Variants in HAUS6 observed in about 807,000 individuals in gnomAD.
The protein encoded by HAUS6 is HAUS augmin like complex subunit 6.
Under a neutral mutation model 106.8 loss-of-function variants are expected in HAUS6, and 80 were observed. That is an observed-to-expected ratio of 0.75 (90% CI 0.63 to 0.90). The LOEUF (loss-of-function observed/expected upper bound fraction) is 0.90. Among genes scored for constraint, HAUS6 ranks in the 40% least tolerant of loss-of-function variants. The pLI, the probability that HAUS6 is intolerant of heterozygous loss-of-function variation, is 0.00. For missense variants in HAUS6, 1,155 were observed against 1,118.1 expected, an observed-to-expected ratio of 1.03 and a Z score of -0.47; for synonymous variants, 356 against 379.1, an observed-to-expected ratio of 0.94 and a Z score of 0.71.
At position 19,063,130 on chromosome 9, in the gene HAUS6, C is replaced by G; in HGVS notation, c.1507G>C (p.Glu503Gln). ...EAISKKIPEF[E>Q]VENSPLSDVA... ...TCTGATAATGGAGAATTTTCCACTT[C>G]AAATTCTGGTATTTTCTTAGAAATT... is the stretch of plus-strand genomic sequence containing the variant. The change falls in exon 14 of 17, where the codon GAA (glutamate) becomes CAA (glutamine). Residue 503 changes from glutamate (E) to glutamine (Q), a missense_variant. This residue lies in a region of HAUS6 where 761 missense variants were observed against 690.0 expected (regional missense o/e 1.10). Transcript: ENST00000380502. The G allele has an allele frequency of 5.0e-6, 8 of 1,602,252 alleles. No homozygotes were observed. Among genetic ancestry groups the G allele is most frequent in the Non-Finnish European group, 6.8e-6 (8 of 1,170,688 alleles).
chr9:19,087,306 C>A, intron 5 of HAUS6, 150 bp from the exon 6 acceptor site: 2 of 606,552 alleles, frequency 3.3e-6, no homozygotes, highest in South Asian at 2.1e-5. Context: ...CTTTATCACA[C>A]AAGTGATTCA....
chr9:19,078,118 C>CAA (rs375071190), intron 10 of HAUS6, 58 bp downstream of exon 10: 2,859 of 1,062,132 alleles, frequency 2.7e-3, no homozygotes, highest in African/African-American at 3.1e-3. Context: ...GACACTGTCT[C>CAA]AAAAAAAAAA....
intron 7 of HAUS6, among the ~76,000 whole-genome samples, chr9:19,084,555 T>A (rs1225692556): frequency 1.3e-5 from 2 of 149,350 alleles, no homozygotes; most frequent in Non-Finnish European, 3.0e-5. Flanking sequence ...GGTGGAGAAA[T>A]ATAATTATAC....
intron 12 of HAUS6, among the ~76,000 whole-genome samples, chr9:19,064,002 T>C (rs949288177): frequency 1.3e-5 from 2 of 150,492 alleles, no homozygotes; most frequent in African/African-American, 4.9e-5. Context: ...AGTTTCGCTC[T>C]TGTTGCCCAG....
At chr9:19,086,926 A>T in intron 6 of HAUS6, 144 bp from the exon 7 acceptor site, 1 of 619,602 alleles carries the variant, frequency 1.6e-6, no homozygotes, top group Non-Finnish European at 2.9e-6. Flanking sequence ...ATAATAATTT[A>T]TTAGGAAAAC....
intron 12 of HAUS6, 105 bp downstream of exon 12, chr9:19,070,114 A>G (rs1242264297): frequency 1.4e-6 from 1 of 689,778 alleles, no homozygotes; most frequent in Admixed American, 2.7e-5. Context: ...CCAACTCCCC[A>G]ACAGACCCAG....
In HAUS6 at chr9:19,089,401, G is replaced by C. The variant is rs1322470038; in HGVS notation, c.584+11C>G. 6.4e-7 allele frequency: 1 copy of C among 1,555,836 alleles called. No homozygotes were observed. Among genetic ancestry groups the C allele is most frequent in the African/African-American group, 1.4e-5 (1 of 73,860 alleles). ...AAGAAATTATTTTCTAACTATCAAG[G>C]TACTACTTACTGTGCATTTTCCTGA... On this transcript the variant is annotated intron_variant, in intron 5 of 16. Coordinates refer to ENST00000380502, the MANE Select transcript of HAUS6 (RefSeq NM_017645.5).
chr9:19,095,224 T>G (rs1413461300), intron 2 of HAUS6, among the ~76,000 whole-genome samples: 1 of 152,028 alleles, frequency 6.6e-6, no homozygotes, highest in Non-Finnish European at 1.5e-5. Context: ...TGCTTCAACT[T>G]TGGTCAAAAA....
rs191173314 is a variant in HAUS6 at position 19,093,385 on chromosome 9, G to T, written c.304-82C>A. The T allele has an allele frequency of 2.4e-5, 30 of 1,232,998 alleles. No homozygotes were observed. In the Middle Eastern group the frequency reaches 5.7e-4, roughly 23 times the overall value. The allele number at this position is 1,232,998 out of a possible 1,614,324, so 76.4% of individuals were successfully genotyped here. On this transcript the variant is annotated intron_variant, in intron 3 of 16. Transcript: ENST00000380502. ...TTACATCACACTATTTTTGTTAAAG[G>T]GTGTGACAGTCTTGCAATAGAAGTC...
At chr9:19,079,800 G>T (rs62563639) in intron 9 of HAUS6, among the ~76,000 whole-genome samples, 5 of 151,682 alleles carry the variant, frequency 3.3e-5, no homozygotes, top group African/African-American at 1.2e-4. Flanking sequence ...CTACTCGGGA[G>T]TCTGAGGCAG....
Position 19,058,600 on chromosome 9 carries a change from C to A in HAUS6, c.2167G>T (p.Asp723Tyr), listed in dbSNP as rs113547478. 7.3e-3 allele frequency: 11,720 copies of A among 1,605,226 alleles called. 60 individuals carry two copies. The highest frequency in any genetic ancestry group is 0.013 in the Middle Eastern group (79 of 6,032). Residue 723 changes from aspartate (D) to tyrosine (Y), a missense_variant, in exon 16 of 17, where the codon GAT (aspartate) becomes TAT (tyrosine). This residue lies in a region of HAUS6 where 380 missense variants were observed against 394.8 expected (regional missense o/e 0.96). Coordinates refer to ENST00000380502, the MANE Select transcript of HAUS6 (RefSeq NM_017645.5). ...TCCTCTTCACTGCCACCCATCACATCTATCCTATTGCCGACAGCAGGGGAG... is the reference window on the plus strand; with the variant it reads ...TCCTCTTCACTGCCACCCATCACATATATCCTATTGCCGACAGCAGGGGAG... ...TFSPAVGNRI[D>Y]VMGGSEEEFM...
rs142858930 is a variant in HAUS6, at chr9:19,076,355, A to G, written c.1294+247T>C. On this transcript the variant is annotated intron_variant, in intron 11 of 16. Transcript: ENST00000380502. ...GGCAACAAAGTGAGACCCTGTCTCA[A>G]AAAAAAATAAAAGAAAAAGTTCAAG... Among the ~76,000 whole-genome samples the G allele has an allele frequency of 3.9e-5, 6 of 151,952 alleles. No homozygotes were observed. The East Asian group carries it at 1.2e-3, about 29-fold the overall frequency.
chr9:19,100,469 T>C (rs761726228), intron 1 of HAUS6, among the ~76,000 whole-genome samples: 2 of 152,232 alleles, frequency 1.3e-5, no homozygotes, highest in Non-Finnish European at 2.9e-5. Flanking sequence ...AAGGGAATGC[T>C]TGTACTTTGT....
intron 11 of HAUS6, chr9:19,074,015 G>C (rs902996118): frequency 6.6e-6 from 1 of 152,174 alleles, no homozygotes; most frequent in Non-Finnish European, 1.5e-5. Flanking sequence ...TGGGAGGCTA[G>C]GCAGGCGGAA....
rs1836452235 is a variant in HAUS6, at chr9:19,055,591, C to T, written c.*752G>A. 2 of 152,176 alleles carry T rather than the reference C, an allele frequency of 1.3e-5. No individual in the cohort carries two copies. The highest frequency in any genetic ancestry group is 1.5e-5 in the Non-Finnish European group (1 of 68,032). 9.4% of individuals were successfully genotyped at this position (152,176 alleles called of 1,614,324 possible). A position where few individuals can be genotyped will look rare whatever the true frequency, so the allele number is the denominator to read the frequency against. ...AAATATAAAAGTAGCATTAAATTAT[C>T]AAAGTCTAAATTAGACTAAATATAA... is the stretch of plus-strand genomic sequence containing the variant. On this transcript the variant is annotated 3_prime_UTR_variant, in exon 17 of 17. Coordinates refer to ENST00000380502, the MANE Select transcript of HAUS6 (RefSeq NM_017645.5).
rs113235811 is a variant in HAUS6 at position 19,084,635 on chromosome 9, CTTTTTTTT to C, written c.700-1600_700-1593del. ...AATTAGTTCACTTTTTTTCTTTTTT[CTTTTTTTT>C]TTTTTTTGAAACAAGGTCTCACTCT... On this transcript the variant is annotated intron_variant, in intron 7 of 16. Coordinates refer to ENST00000380502, the MANE Select transcript of HAUS6 (RefSeq NM_017645.5). Among the ~76,000 whole-genome samples, 60 of 138,844 alleles carry C rather than the reference CTTTTTTTT, an allele frequency of 4.3e-4. 1 individual carries two copies. The highest frequency in any genetic ancestry group is 7.8e-4 in the Non-Finnish European group (50 of 64,160). The allele number at this position is 138,844 out of a possible 152,430, so 91.1% of individuals were successfully genotyped here.
chr9:19,091,881 C>T (rs1239728549), intron 4 of HAUS6, among the ~76,000 whole-genome samples: 6 of 151,990 alleles, frequency 3.9e-5, no homozygotes, highest in Non-Finnish European at 8.8e-5. Context: ...AGGCTGGTGT[C>T]GAACTCCTGA....
At chr9:19,098,936 C>T (rs1478521667) in intron 1 of HAUS6, among the ~76,000 whole-genome samples, 4 of 145,860 alleles carry the variant, frequency 2.7e-5, no homozygotes, top group Non-Finnish European at 5.9e-5. Flanking sequence ...GCAGGAGAAT[C>T]GCTTGAACCT....
chr9:19,067,061 A>G (rs1192616654), intron 12 of HAUS6, among the ~76,000 whole-genome samples: 2 of 151,788 alleles, frequency 1.3e-5, no homozygotes, highest in Non-Finnish European at 2.9e-5. Context: ...ATCTTTTGGT[A>G]TCCATGAATG....
Sources: allele counts gnomAD v4.1 joint callset (sites outside exome capture counted in the v4.1 genomes callset), GRCh38; gene constraint gnomAD v4.1.1; regional missense constraint gnomAD v4.1.1; transcripts MANE v1.5; gene names NCBI Gene and HGNC (gene_info 2026-07-23, HGNC 2026-07-21).